PCDHGB3: variants seen among roughly 807,000 people sequenced by gnomAD.
The protein encoded by PCDHGB3 is protocadherin gamma subfamily B, 3.
In PCDHGB3, 40 loss-of-function variants were observed where a neutral mutation model predicts 59.2. That is an observed-to-expected ratio of 0.68 (90% CI 0.52 to 0.88). The LOEUF (loss-of-function observed/expected upper bound fraction) is 0.88, where lower values mean the gene tolerates loss of function less well. PCDHGB3 is among the 40% of genes least tolerant of loss of function. The probability of loss-of-function intolerance (pLI) is 0.00; values close to 1 mark genes in which losing one functional copy is unlikely to be tolerated. For missense variants in PCDHGB3, 1,309 were observed against 1,187.9 expected, an observed-to-expected ratio of 1.10 and a Z score of -1.50; for synonymous variants, 581 against 503.6, an observed-to-expected ratio of 1.15 and a Z score of -2.06.
At chr5:141,427,007 C>T (rs1215109574) in intron 1 of PCDHGB3, 2 of 456,668 alleles carry the variant, frequency 4.4e-6, no homozygotes, top group Admixed American at 2.3e-5. Flanking sequence ...CAGTTTTTAG[C>T]CAGGATGTAT....
At chr5:141,407,512 T>G (rs910710605) in intron 1 of PCDHGB3, among the ~76,000 whole-genome samples, 3 of 152,192 alleles carry the variant, frequency 2.0e-5, no homozygotes, top group Non-Finnish European at 4.4e-5. Flanking sequence ...TCTTAGGCTA[T>G]GTAGGACTTA....
At chr5:141,375,572 CA>C in intron 1 of PCDHGB3, 2 of 1,614,102 alleles carry the variant, frequency 1.2e-6, no homozygotes, top group Non-Finnish European at 1.7e-6. Flanking sequence ...AGACACCCTC[CA>C]GGGGGCGCCC....
intron 1 of PCDHGB3, chr5:141,393,417 A>G (rs2092754726): frequency 6.2e-6 from 10 of 1,614,032 alleles, no homozygotes; most frequent in Non-Finnish European, 8.5e-6. Flanking sequence ...CGCCCTGGAC[A>G]GGGAGGAAGA....
At chr5:141,499,880 G>A (rs1177287013) in intron 2 of PCDHGB3, among the ~76,000 whole-genome samples, 1 of 151,886 alleles carries the variant, frequency 6.6e-6, no homozygotes, top group African/African-American at 2.4e-5. Flanking sequence ...TACAAACAGG[G>A]TTTCGCCATG....
At chr5:141,418,189 G>A in intron 1 of PCDHGB3, 1 of 1,614,046 alleles carries the variant, frequency 6.2e-7, no homozygotes, top group Admixed American at 1.7e-5. Flanking sequence ...AAGCTGTGGT[G>A]GAAAATCCTT....
At chr5:141,414,048 G>A in intron 1 of PCDHGB3, 1 of 1,610,508 alleles carries the variant, frequency 6.2e-7, no homozygotes, top group Non-Finnish European at 8.5e-7. Flanking sequence ...TACCTGACAC[G>A]CAATTGTTGA....
At position 141,370,643 on chromosome 5, in the gene PCDHGB3, C is replaced by T. The variant is rs1767087825; in HGVS notation, c.249C>T (p.Asn83=). ...KFFTVSPENG[N]LLVSDRIDRE... is the part of the protein sequence containing the mutation. ...TTACCGTGAGCCCCGAAAATGGGAA[C>T]TTACTTGTGAGCGACCGTATAGACC... is the stretch of plus-strand genomic sequence containing the variant. The change falls in exon 1 of 4, where the codon AAC becomes AAT. Residue 83 remains asparagine (N), a synonymous_variant. Coordinates refer to ENST00000576222, the MANE Select transcript of PCDHGB3 (RefSeq NM_018924.5). The T allele has an allele frequency of 6.2e-7, 1 of 1,613,934 alleles. No homozygotes were observed. The highest frequency in any genetic ancestry group is 1.3e-5 in the African/African-American group (1 of 75,046).
At chr5:141,497,101 G>A (rs1465038195) in intron 2 of PCDHGB3, among the ~76,000 whole-genome samples, 1 of 152,042 alleles carries the variant, frequency 6.6e-6, no homozygotes, top group African/African-American at 2.4e-5. Flanking sequence ...AGGCAGAACT[G>A]CTTGAACCCG....
rs776015544 is a variant in PCDHGB3, at chr5:141,485,125, G to C, written c.2416-9682G>C. The C allele has an allele frequency of 7.1e-7, 1 of 1,412,278 alleles. No homozygotes were observed. Among genetic ancestry groups the C allele is most frequent in the Admixed American group, 1.7e-5 (1 of 57,660 alleles). 87.5% of individuals were successfully genotyped at this position (1,412,278 alleles called of 1,614,324 possible). On this transcript the variant is annotated intron_variant, in intron 1 of 3. Transcript: ENST00000576222. The surrounding 1 kb of genome is among the most constrained non-coding windows in gnomAD (Gnocchi z 5.7). The stretch of plus-strand genomic sequence containing the variant: ...CTGCTGTGGCTGTTTGGGGCGGGTC[G>C]GCTTCATCCGCGTCTCAGGAGCAAG...
chr5:141,503,812 G>C (rs2099831825), intron 2 of PCDHGB3, among the ~76,000 whole-genome samples: 1 of 152,114 alleles, frequency 6.6e-6, no homozygotes, highest in South Asian at 2.1e-4. Context: ...GGGAATCCCA[G>C]ATTGGGCAAA....
chr5:141,420,061 G>C, intron 1 of PCDHGB3: 1 of 1,614,076 alleles, frequency 6.2e-7, no homozygotes. Flanking sequence ...TCTGCTCCAA[G>C]TCCGGACCTG....
chr5:141,422,330 C>A, intron 1 of PCDHGB3: 1 of 1,548,166 alleles, frequency 6.5e-7, no homozygotes. Flanking sequence ...ACAGTGATTG[C>A]TCTTCTAAAT....
chr5:141,457,891 T>C (rs2154566084), intron 1 of PCDHGB3, among the ~76,000 whole-genome samples: 1 of 152,346 alleles, frequency 6.6e-6, no homozygotes, highest in South Asian at 2.1e-4. Context: ...GTGTGGGGAC[T>C]GTGTAGACAA....
intron 1 of PCDHGB3, chr5:141,382,959 G>T: frequency 6.2e-7 from 1 of 1,607,442 alleles, no homozygotes; most frequent in Non-Finnish European, 8.5e-7. Flanking sequence ...CCATCCTCCT[G>T]GGGACCCCCT....
At chr5:141,427,812 G>A (rs1380721111) in intron 1 of PCDHGB3, 1 of 1,524,286 alleles carries the variant, frequency 6.6e-7, no homozygotes, top group African/African-American at 1.4e-5. Context: ...CGCACAGAGC[G>A]GGGTGGTGGT....
intron 1 of PCDHGB3, chr5:141,395,872 T>G (rs950924655): frequency 2.0e-5 from 3 of 152,138 alleles, no homozygotes; most frequent in Non-Finnish European, 4.4e-5. Context: ...ATTAAGTATG[T>G]GAGTCAGTGG....
chr5:141,375,443 C>T, intron 1 of PCDHGB3: 2 of 1,614,022 alleles, frequency 1.2e-6, no homozygotes, highest in African/African-American at 1.3e-5. Flanking sequence ...CACCTTCCCC[C>T]ATTCATCCTA....
rs961891623 is a variant in PCDHGB3 at position 141,487,938 on chromosome 5, GC to G, written c.2416-6868del. The G allele has an allele frequency of 2.8e-5, 17 of 600,188 alleles. No homozygotes were observed. The highest frequency in any genetic ancestry group is 4.7e-5 in the Non-Finnish European group (16 of 342,978). 37.2% of individuals were successfully genotyped at this position (600,188 alleles called of 1,614,324 possible). ...GAGGCTACAGTGCACAGGGTACAGTGCACCAGGCAGTCACTTGGACAAAGGT... is the reference window on the plus strand; with the variant it reads ...GAGGCTACAGTGCACAGGGTACAGTGACCAGGCAGTCACTTGGACAAAGGT... On this transcript the variant is annotated intron_variant, in intron 1 of 3. Coordinates refer to ENST00000576222, the MANE Select transcript of PCDHGB3 (RefSeq NM_018924.5). The surrounding 1 kb of genome is among the most constrained non-coding windows in gnomAD (Gnocchi z 5.0).
At chr5:141,451,124 A>T (rs2098707796) in intron 1 of PCDHGB3, among the ~76,000 whole-genome samples, 1 of 152,102 alleles carries the variant, frequency 6.6e-6, no homozygotes, top group Non-Finnish European at 1.5e-5. Context: ...CACCACACCC[A>T]GCCTTATGAT....
Sources: allele counts gnomAD v4.1 joint callset (sites outside exome capture counted in the v4.1 genomes callset), GRCh38; gene constraint gnomAD v4.1.1; non-coding constraint Gnocchi (gnomAD v3.1); transcripts MANE v1.5; gene names NCBI Gene and HGNC (gene_info 2026-07-23, HGNC 2026-07-21).